The following OSMR variants were observed in gnomAD, a reference collection of about 807,000 sequenced individuals.
OSMR encodes oncostatin-M-specific receptor subunit beta.
OSMR carries 81 observed loss-of-function variants against 99.9 expected under a neutral mutation model. That is an observed-to-expected ratio of 0.81 (90% CI 0.68 to 0.97). OSMR has a LOEUF of 0.97. Among genes scored for constraint, OSMR ranks in the 50% least tolerant of loss-of-function variants. The pLI is 0.00. For synonymous variants in OSMR, 406 were observed against 410.4 expected (o/e 0.99, Z 0.13); for missense variants, 1,099 against 1,153.4 (o/e 0.95, Z 0.68).
At chr5:38,871,612 G>T (rs190721389) in intron 2 of OSMR, among the ~76,000 whole-genome samples, 2 of 152,242 alleles carry the variant, frequency 1.3e-5, no homozygotes, top group East Asian at 3.9e-4. Flanking sequence ...AGTTAACCCT[G>T]GGTACATGTT....
chr5:38,908,969 G>T (rs1579764235), intron 9 of OSMR, among the ~76,000 whole-genome samples: 2 of 152,236 alleles, frequency 1.3e-5, no homozygotes. Context: ...TAGAAACAAA[G>T]ATCATCAACA....
At chr5:38,870,330 C>CTTTTTTTT (rs374861159) in intron 2 of OSMR, among the ~76,000 whole-genome samples, 1 of 115,136 alleles carries the variant, frequency 8.7e-6, no homozygotes. Flanking sequence ...GAATGATTTT[C>CTTTTTTTT]TTTTTTTTTT....
intron 7 of OSMR, among the ~76,000 whole-genome samples, chr5:38,889,458 T>C (rs1276248104): frequency 1.3e-5 from 2 of 152,212 alleles, no homozygotes; most frequent in Non-Finnish European, 2.9e-5. Flanking sequence ...ACTTCCAGTT[T>C]AACGTCTTCA....
intron 15 of OSMR, among the ~76,000 whole-genome samples, chr5:38,930,911 A>G (rs1746698729): frequency 6.8e-6 from 1 of 147,444 alleles, no homozygotes; most frequent in Non-Finnish European, 1.5e-5. Flanking sequence ...ATGCCCTTGC[A>G]GAAGCATTTT....
chr5:38,897,039 G>C (rs1744567439), intron 7 of OSMR, among the ~76,000 whole-genome samples: 2 of 152,058 alleles, frequency 1.3e-5, no homozygotes, highest in African/African-American at 4.8e-5. Flanking sequence ...GTGTGTTGTT[G>C]AATTTGGTTT....
In OSMR at chr5:38,905,256, C is replaced by T. The variant is rs1452458684; in HGVS notation, c.1285+753C>T. ...CTGTAATCCTAGCACTTTGGGAGGC[C>T]GAGGAAGGTGGATCACGTGGTCAGG... is the stretch of plus-strand genomic sequence containing the variant. On this transcript the variant is annotated intron_variant, in intron 9 of 17. Transcript: ENST00000274276. 3.3e-5 allele frequency among the ~76,000 whole-genome samples: 5 copies of T among 151,988 alleles called. No homozygotes were observed. In the South Asian group the frequency reaches 6.2e-4, roughly 19 times the overall value.
At chr5:38,906,504 C>A (rs1313046089) in intron 9 of OSMR, among the ~76,000 whole-genome samples, 1 of 152,126 alleles carries the variant, frequency 6.6e-6, no homozygotes, top group Non-Finnish European at 1.5e-5. Context: ...GTGCTATCAA[C>A]TGTATTGTAG....
intron 9 of OSMR, among the ~76,000 whole-genome samples, chr5:38,906,876 T>G (rs1480883303): frequency 6.6e-6 from 1 of 151,776 alleles, no homozygotes; most frequent in African/African-American, 2.4e-5. Flanking sequence ...AACCAAAAAC[T>G]AAAAAAAATA....
intron 11 of OSMR, among the ~76,000 whole-genome samples, chr5:38,919,803 T>C (rs537458921): frequency 2.6e-5 from 4 of 152,214 alleles, no homozygotes; most frequent in East Asian, 1.9e-4. Flanking sequence ...TTCTATAATA[T>C]GTGTTTATTC....
At chr5:38,877,740 C>G (rs567177303) in intron 3 of OSMR, among the ~76,000 whole-genome samples, 1 of 152,308 alleles carries the variant, frequency 6.6e-6, no homozygotes, top group Non-Finnish European at 1.5e-5. Context: ...ATAACATTAA[C>G]CATAGACTAC....
chr5:38,852,788 T>C (rs1561328020), intron 1 of OSMR, among the ~76,000 whole-genome samples: 1 of 130,762 alleles, frequency 7.6e-6, no homozygotes, highest in Non-Finnish European at 1.6e-5. Context: ...TGGACTGCAG[T>C]GGCGCTATCC....
At chr5:38,944,774 G>A in intron 2 of OSMR, 1 of 889,788 alleles carries the variant, frequency 1.1e-6, no homozygotes, top group Non-Finnish European at 1.8e-6. Context: ...ATAATTAACA[G>A]TGTTAAATTG....
At chr5:38,913,201 A>C (rs1745693258) in intron 9 of OSMR, among the ~76,000 whole-genome samples, 1 of 152,124 alleles carries the variant, frequency 6.6e-6, no homozygotes, top group Non-Finnish European at 1.5e-5. Context: ...AATATCCAGC[A>C]TCTATAAGGA....
intron 1 of OSMR, among the ~76,000 whole-genome samples, chr5:38,860,759 G>A (rs1375333421): frequency 4.6e-5 from 7 of 152,280 alleles, no homozygotes; most frequent in Admixed American, 2.0e-4. Flanking sequence ...TGCAACCTCC[G>A]CCTCCTGGGT....
chr5:38,900,268 C>G (rs1278586894), intron 7 of OSMR, among the ~76,000 whole-genome samples: 1 of 152,098 alleles, frequency 6.6e-6, no homozygotes, highest in Non-Finnish European at 1.5e-5. Flanking sequence ...GAGGTTCTGT[C>G]CATGACACAG....
chr5:38,881,450 T>C, intron 3 of OSMR, 143 bp from the exon 4 acceptor site: 1 of 1,549,236 alleles, frequency 6.5e-7, no homozygotes, highest in Non-Finnish European at 8.7e-7. Flanking sequence ...ACATGGGGAA[T>C]TGACTAGCAG....
intron 1 of OSMR, among the ~76,000 whole-genome samples, chr5:38,848,123 A>G (rs1740027906): frequency 6.6e-6 from 1 of 152,140 alleles, no homozygotes; most frequent in Non-Finnish European, 1.5e-5. Context: ...TCCTTGTGGG[A>G]AAGGACTGGG....
intron 7 of OSMR, among the ~76,000 whole-genome samples, chr5:38,898,207 C>G (rs1257860057): frequency 1.3e-5 from 2 of 152,228 alleles, no homozygotes; most frequent in Non-Finnish European, 2.9e-5. Flanking sequence ...GTGTTTAAGT[C>G]TTCAGCTGTT....
intron 4 of OSMR, among the ~76,000 whole-genome samples, chr5:38,882,790 T>C (rs1239285333): frequency 6.6e-6 from 1 of 152,242 alleles, no homozygotes; most frequent in African/African-American, 2.4e-5. Flanking sequence ...TAAAGTACTA[T>C]ACATATTTAG....
Sources: allele counts gnomAD v4.1 joint callset (sites outside exome capture counted in the v4.1 genomes callset), GRCh38; gene constraint gnomAD v4.1.1; transcripts MANE v1.5; gene names NCBI Gene and HGNC (gene_info 2026-07-23, HGNC 2026-07-21).